The following DMD variants were observed in gnomAD, a reference collection of about 807,000 sequenced individuals.
The protein encoded by DMD is dystrophin, also known as mutant dystrophin.
A neutral mutation model predicts 330.1 loss-of-function variants in DMD; 63 were observed. That is an observed-to-expected ratio of 0.19 (90% CI 0.16 to 0.24). The LOEUF is 0.24. Among genes scored for constraint, DMD ranks in the 10% least tolerant of loss-of-function variants. The pLI, the probability that DMD is intolerant of heterozygous loss-of-function variation, is 1.00. For synonymous variants in DMD, 1,223 were observed against 959.8 expected, an observed-to-expected ratio of 1.27 and a Z score of -5.07; for missense variants, 3,344 against 2,684.1, an observed-to-expected ratio of 1.25 and a Z score of -5.43.
chrX:32,185,054 A>G (rs1217850739), intron 44 of DMD, among the ~76,000 whole-genome samples: 1 of 110,791 alleles, frequency 9.0e-6, no homozygotes, highest in East Asian at 2.8e-4. Flanking sequence ...ATCTCCTGAT[A>G]ACTTGTGTGT....
intron 2 of DMD, among the ~76,000 whole-genome samples, chrX:32,880,484 C>T (rs146300276): frequency 0.019 from 2,069 of 111,443 alleles, 48 homozygotes; most frequent in African/African-American, 0.063. Flanking sequence ...AAGCAAAATT[C>T]GTCTCTTCTT....
Position 31,359,726 on chromosome X carries a change from T to C in DMD, c.9085-11092A>G, listed in dbSNP as rs960407038. On this transcript the variant is annotated intron_variant, in intron 60 of 78. Transcript: ENST00000357033. The stretch of plus-strand genomic sequence containing the variant: ...AGGACCCAGGTCAGTGCCTGTCTCA[T>C]AGTAGGTACCTAACTAACTACTTGA... 8.9e-5 allele frequency among the ~76,000 whole-genome samples: 10 copies of C among 112,004 alleles called. No homozygotes were observed. The East Asian group carries it at 1.9e-3, about 22-fold the overall frequency.
intron 7 of DMD, among the ~76,000 whole-genome samples, chrX:32,757,379 G>T (rs929315958): frequency 9.0e-6 from 1 of 111,010 alleles, no homozygotes; most frequent in Non-Finnish European, 1.9e-5. Context: ...TCTAGTTTTA[G>T]CCCAACTTTC....
intron 43 of DMD, among the ~76,000 whole-genome samples, chrX:32,231,841 G>T (rs1403745032): frequency 9.1e-6 from 1 of 110,318 alleles, no homozygotes; most frequent in Non-Finnish European, 1.9e-5. Flanking sequence ...AATCTCAAAG[G>T]TTGCAGCATT....
chrX:32,416,313 G>A (rs1429643538), intron 29 of DMD, among the ~76,000 whole-genome samples: 1 of 112,053 alleles, frequency 8.9e-6, no homozygotes, highest in Admixed American at 9.5e-5. Flanking sequence ...GCTTATGCTT[G>A]CAAATGGATT....
intron 48 of DMD, among the ~76,000 whole-genome samples, chrX:31,852,224 G>C (rs1471742106): frequency 8.9e-6 from 1 of 111,868 alleles, no homozygotes; most frequent in Non-Finnish European, 1.9e-5. Context: ...GCTGTATTAA[G>C]ATTAGACTTT....
intron 77 of DMD, among the ~76,000 whole-genome samples, chrX:31,127,483 C>T (rs888651082): frequency 1.8e-5 from 2 of 112,326 alleles, no homozygotes; most frequent in African/African-American, 6.5e-5. Flanking sequence ...GACTTCTGTC[C>T]ATACATGTCA....
intron 9 of DMD, among the ~76,000 whole-genome samples, chrX:32,652,241 T>C (rs941206359): frequency 9.2e-6 from 1 of 108,690 alleles, no homozygotes; most frequent in African/African-American, 3.4e-5. Context: ...ACCCATTAAC[T>C]CGTCATTTAA....
intron 7 of DMD, among the ~76,000 whole-genome samples, chrX:32,754,668 A>T (rs2071276846): frequency 8.9e-6 from 1 of 112,057 alleles, no homozygotes; most frequent in African/African-American, 3.2e-5. Flanking sequence ...ATGAGTCAAT[A>T]ACAAACTTAT....
chrX:31,473,711 C>CAAAAAAAAAAAAAAAAAA lies in DMD; in HGVS notation c.8937+4394_8937+4395insTTTTTTTTTTTTTTTTTT, dbSNP rs55752684. On this transcript the variant is annotated intron_variant, in intron 59 of 78. Transcript: ENST00000357033. ...CTGGTGACAGAGTGAGACTCTGTCT[C>CAAAAAAAAAAAAAAAAAA]AAAAAAAAAAAAAAAAAGAAAACAA... 1.6e-3 allele frequency among the ~76,000 whole-genome samples: 63 copies of CAAAAAAAAAAAAAAAAAA among 40,112 alleles called. 1 individual carries two copies. The highest frequency in any genetic ancestry group is 0.014 in the Middle Eastern group (1 of 69). 34.8% of individuals were successfully genotyped at this position (40,112 alleles called of 115,157 possible).
At chrX:33,102,019 A>G (rs1171130421) in intron 1 of DMD, among the ~76,000 whole-genome samples, 1 of 112,023 alleles carries the variant, frequency 8.9e-6, no homozygotes, top group Non-Finnish European at 1.9e-5. Flanking sequence ...AGTTGACGTT[A>G]TAAGTTCAAA....
chrX:31,888,870 T>C (rs1402726955), intron 47 of DMD, among the ~76,000 whole-genome samples: 1 of 112,479 alleles, frequency 8.9e-6, no homozygotes, highest in Admixed American at 9.4e-5. Context: ...CCCAGTGGCA[T>C]AGCTCTCGGA....
chrX:32,899,364 A>T (rs2086017897), intron 2 of DMD, among the ~76,000 whole-genome samples: 1 of 111,444 alleles, frequency 9.0e-6, no homozygotes, highest in Admixed American at 9.6e-5. Context: ...TTAGTATAAT[A>T]TCATAGAAAG....
At chrX:32,438,111 G>T in intron 29 of DMD, 130 bp downstream of exon 29, 1 of 660,653 alleles carries the variant, frequency 1.5e-6, no homozygotes, top group Non-Finnish European at 2.4e-6. Flanking sequence ...CCAGTGTCTG[G>T]CATTGGATTG....
At chrX:32,736,102 G>A (rs769208645) in intron 7 of DMD, among the ~76,000 whole-genome samples, 58 of 111,876 alleles carry the variant, frequency 5.2e-4, no homozygotes, top group Middle Eastern at 4.6e-3. Flanking sequence ...AAAAGTGGGC[G>A]AAGGACATGA....
At chrX:32,242,278 A>C (rs764673656) in intron 43 of DMD, among the ~76,000 whole-genome samples, 2 of 111,641 alleles carry the variant, frequency 1.8e-5, no homozygotes, top group South Asian at 7.5e-4. Flanking sequence ...TAACCAATCA[A>C]CCAACAAGGA....
chrX:32,792,298 A>G (rs2075874517), intron 7 of DMD, among the ~76,000 whole-genome samples: 1 of 111,150 alleles, frequency 9.0e-6, no homozygotes, highest in Admixed American at 9.5e-5. Flanking sequence ...ACATAAAAAT[A>G]TAAAAACAAC....
intron 60 of DMD, among the ~76,000 whole-genome samples, chrX:31,366,511 T>TAAAA (rs2059265579): frequency 8.0e-5 from 3 of 37,296 alleles, no homozygotes; most frequent in Admixed American, 3.1e-4. Flanking sequence ...AAAAAAAAAA[T>TAAAA]AAATAAATAA....
intron 42 of DMD, among the ~76,000 whole-genome samples, chrX:32,296,960 G>A (rs2097499208): frequency 9.0e-6 from 1 of 111,135 alleles, no homozygotes; most frequent in South Asian, 3.8e-4. Context: ...GCAGACAGCT[G>A]GAAGCACTTA....
Sources: allele counts gnomAD v4.1 joint callset (sites outside exome capture counted in the v4.1 genomes callset), GRCh38; gene constraint gnomAD v4.1.1; transcripts MANE v1.5; gene names NCBI Gene and HGNC (gene_info 2026-07-23, HGNC 2026-07-21).